SYNE1: variants seen among roughly 807,000 people sequenced by gnomAD.
The protein encoded by SYNE1 is spectrin repeat containing nuclear envelope protein 1.
In SYNE1, 616 loss-of-function variants were observed where a neutral mutation model predicts 1,111.0. The observed-to-expected ratio is 0.55, with a 90% CI of 0.52 to 0.59. The LOEUF (loss-of-function observed/expected upper bound fraction) is 0.59, where lower values mean the gene tolerates loss of function less well. Ranked by LOEUF, SYNE1 falls within the 20% of genes least tolerant of loss-of-function variation. The pLI is 0.00. For synonymous variants in SYNE1, 3,855 were observed against 3,825.8 expected (o/e 1.01, Z -0.28); for missense variants, 10,006 against 10,417.0 (o/e 0.96, Z 1.72).
At chr6:152,589,924 A>G (rs1398801547) in intron 3 of SYNE1, among the ~76,000 whole-genome samples, 1 of 136,076 alleles carries the variant, frequency 7.3e-6, no homozygotes, top group Admixed American at 8.1e-5. Flanking sequence ...TTGTCCCTAA[A>G]CATTTCTTTT....
intron 43 of SYNE1, 26 bp downstream of exon 43, chr6:152,409,533 C>A: frequency 6.2e-7 from 1 of 1,611,870 alleles, no homozygotes; most frequent in Non-Finnish European, 8.5e-7. Context: ...AGCAGAATAC[C>A]AACATAAACA....
chr6:152,230,405 C>A (rs2082518431), intron 115 of SYNE1, 142 bp downstream of exon 115: 1 of 895,674 alleles, frequency 1.1e-6, no homozygotes, highest in Non-Finnish European at 1.7e-6. Flanking sequence ...TATAAACTCA[C>A]AAAATCAGCA....
At chr6:152,596,098 TAA>T (rs71017542) in intron 3 of SYNE1, among the ~76,000 whole-genome samples, 504 of 18,496 alleles carry the variant, frequency 0.027, 2 homozygotes, top group African/African-American at 0.08. Flanking sequence ...AAGGGCAATC[TAA>T]AAAAAAAAAA....
chr6:152,471,452 G>C (rs1361366004), intron 16 of SYNE1, 145 bp downstream of exon 16: 2 of 753,658 alleles, frequency 2.7e-6, no homozygotes, highest in African/African-American at 3.5e-5. Context: ...ATTCTGAAAA[G>C]CTCATAAACT....
rs374632184 is a variant in SYNE1, at chr6:152,345,050, G to A, written c.12079-823C>T. 1.7e-4 allele frequency among the ~76,000 whole-genome samples: 26 copies of A among 152,092 alleles called. No individual in the cohort carries two copies. In the South Asian group the frequency reaches 2.3e-3, roughly 13 times the overall value. The stretch of plus-strand genomic sequence containing the variant: ...GTCATCTTTTAAATTCATCACTTTC[G>A]TCTGACATTGGGTTTATCCCTTATT... On this transcript the variant is annotated intron_variant, in intron 73 of 145. Coordinates refer to ENST00000367255, the MANE Select transcript of SYNE1 (RefSeq NM_182961.4).
chr6:152,359,333 G>A lies in SYNE1; in HGVS notation c.10425C>T (p.Ala3475=). The A allele has an allele frequency of 6.2e-7, 1 of 1,614,076 alleles. No homozygotes were observed. The highest frequency in any genetic ancestry group is 8.5e-7 in the Non-Finnish European group (1 of 1,179,994). The change falls in exon 65 of 146, where the codon GCC becomes GCT. Residue 3475 remains alanine (A), a synonymous_variant. Coordinates refer to ENST00000367255, the MANE Select transcript of SYNE1 (RefSeq NM_182961.4). ...GCCGTACCTTGGCCCTCTCTTGGAT[G>A]GCTCTGTATCGTTCCTGTAGATCCT... ...ELQDLQERYR[A]IQERAKEAVT...
At chr6:152,181,240 C>G (rs1275090589) in intron 128 of SYNE1, among the ~76,000 whole-genome samples, 1 of 102,004 alleles carries the variant, frequency 9.8e-6, no homozygotes, top group African/African-American at 3.7e-5. Flanking sequence ...GGTGAAACCC[C>G]ATCTCTATTA....
Position 152,122,517 on chromosome 6 carries a change from G to C in SYNE1, c.26313C>G (p.Asp8771Glu). ...AGTTGTTGGAGAGGGCACAGCTGTA[G>C]TCTTCCTCTGACATTGGTACAAGGC... is the stretch of plus-strand genomic sequence containing the variant. ...LACLVPMSEE[D>E]YSCALSNNFA... Residue 8771 changes from aspartate (D) to glutamate (E), a missense_variant, in exon 146 of 146, where the codon GAC (aspartate) becomes GAG (glutamate). Coordinates refer to ENST00000367255, the MANE Select transcript of SYNE1 (RefSeq NM_182961.4). 1 of 1,614,106 alleles carries C rather than the reference G, an allele frequency of 6.2e-7. No homozygotes were observed.
chr6:152,257,652 C>T lies in SYNE1; in HGVS notation c.18973-887G>A, dbSNP rs541388701. Among the ~76,000 whole-genome samples the T allele has an allele frequency of 2.8e-4, 42 of 152,176 alleles. No individual in the cohort carries two copies. In the South Asian group the frequency reaches 4.4e-3, roughly 16 times the overall value. Reference sequence around the variant, plus strand: ...TAGAAACAGAAAGGATGAGAACAGACATTGCTGAAAATGGAATCACTGGCA... The same window carrying T: ...TAGAAACAGAAAGGATGAGAACAGATATTGCTGAAAATGGAATCACTGGCA... On this transcript the variant is annotated intron_variant, in intron 101 of 145. Coordinates refer to ENST00000367255, the MANE Select transcript of SYNE1 (RefSeq NM_182961.4).
chr6:152,571,351 A>T (rs1273561736), intron 3 of SYNE1, among the ~76,000 whole-genome samples: 1 of 152,204 alleles, frequency 6.6e-6, no homozygotes, highest in Admixed American at 6.5e-5. Context: ...TCTTCAGAAA[A>T]GGAAAATCAA....
intron 14 of SYNE1, among the ~76,000 whole-genome samples, chr6:152,475,059 GACAA>G (rs1263038899): frequency 2.0e-5 from 3 of 152,006 alleles, no homozygotes; most frequent in Non-Finnish European, 4.4e-5. Context: ...TACCAAATTG[GACAA>G]ACAAACAAAA....
rs746879340 is a variant in SYNE1, at chr6:152,310,752, C to T, written c.16832G>A (p.Arg5611Gln). The change falls in exon 88 of 146, where the codon CGG (arginine) becomes CAG (glutamine). Residue 5611 changes from arginine (R) to glutamine (Q), a missense_variant. Around this residue, in one of 7 missense-constraint regions of SYNE1, gnomAD observed 4,955 missense variants for 5,017.2 expected, o/e 0.99. Transcript: ENST00000367255. The stretch of plus-strand genomic sequence containing the variant: ...CATCTGTCGCAACTCCTCAGTCTCC[C>T]GTCCCAGTTCTGCCACTTGCTGAGA... ...KMSQQVAELG[R>Q]ETEELRQMIK... The T allele has an allele frequency of 5.6e-6, 9 of 1,613,870 alleles. No individual in the cohort carries two copies. The highest frequency in any genetic ancestry group is 2.2e-5 in the East Asian group (1 of 44,878).
In SYNE1 at chr6:152,122,512, C is replaced by G; in HGVS notation, c.26318G>C (p.Ser8773Thr). 6.2e-7 allele frequency: 1 copy of G among 1,614,168 alleles called. No individual in the cohort carries two copies. The highest frequency in any genetic ancestry group is 8.5e-7 in the Non-Finnish European group (1 of 1,180,028). The stretch of plus-strand genomic sequence containing the variant: ...GGCAAAGTTGTTGGAGAGGGCACAG[C>G]TGTAGTCTTCCTCTGACATTGGTAC... ...CLVPMSEEDY[S>T]CALSNNFARS... Residue 8773 changes from serine to threonine, a missense_variant, in exon 146 of 146, where the codon AGC (serine) becomes ACC (threonine). Ser to Thr is a moderately conservative substitution (Grantham distance 58). Coordinates refer to ENST00000367255, the MANE Select transcript of SYNE1 (RefSeq NM_182961.4).
At chr6:152,192,173 C>T (rs1347188928) in intron 127 of SYNE1, among the ~76,000 whole-genome samples, 1 of 152,180 alleles carries the variant, frequency 6.6e-6, no homozygotes, top group East Asian at 1.9e-4. Context: ...AACATATAGT[C>T]TATCCTTGAG....
intron 130 of SYNE1, among the ~76,000 whole-genome samples, chr6:152,174,545 T>C (rs1354174619): frequency 6.6e-6 from 1 of 152,176 alleles, no homozygotes; most frequent in African/African-American, 2.4e-5. Flanking sequence ...TGTAAGTACT[T>C]TACAAAGAAC....
Position 152,224,487 on chromosome 6 carries a change from T to A in SYNE1, c.21522+7A>T. Reference sequence around the variant, plus strand: ...AACGTTAAGGATGTGTTAAATTAATTCCTTACCTGAAGATTGTCCACCTGA... The same window carrying A: ...AACGTTAAGGATGTGTTAAATTAATACCTTACCTGAAGATTGTCCACCTGA... On this transcript the variant is annotated splice_region_variant and intron_variant, in intron 117 of 145. Coordinates refer to ENST00000367255, the MANE Select transcript of SYNE1 (RefSeq NM_182961.4). 1 of 1,613,598 alleles carries A rather than the reference T, an allele frequency of 6.2e-7. No homozygotes were observed. The highest frequency in any genetic ancestry group is 8.5e-7 in the Non-Finnish European group (1 of 1,179,570).
rs1020485019 is a variant in SYNE1 at position 152,465,172 on chromosome 6, T to C, written c.1932+86A>G. 4 of 1,440,342 alleles carry C rather than the reference T, an allele frequency of 2.8e-6. No homozygotes were observed. The Admixed American group carries it at 6.8e-5, about 24-fold the overall frequency. The allele number at this position is 1,440,342 out of a possible 1,614,324, so 89.2% of individuals were successfully genotyped here. On this transcript the variant is annotated intron_variant, in intron 18 of 145. Transcript: ENST00000367255. Reference sequence around the variant, plus strand: ...TTCTTGAGTGACACTTGTAAATATATGCGACCCCCTAGTGAGCTACGCTGT... The same window carrying C: ...TTCTTGAGTGACACTTGTAAATATACGCGACCCCCTAGTGAGCTACGCTGT...
At chr6:152,609,904 C>A (rs1261341835) in intron 3 of SYNE1, among the ~76,000 whole-genome samples, 1 of 152,192 alleles carries the variant, frequency 6.6e-6, no homozygotes, top group East Asian at 1.9e-4. Context: ...GCTGAGGGAC[C>A]TGACTGTTGG....
intron 76 of SYNE1, among the ~76,000 whole-genome samples, chr6:152,334,812 G>A (rs1393684589): frequency 6.6e-6 from 1 of 152,042 alleles, no homozygotes; most frequent in Non-Finnish European, 1.5e-5. Flanking sequence ...TAACTTTCTG[G>A]GAATGCAGCC....
Sources: gnomAD v4.1 joint callset for allele counts (sites outside exome capture counted in the v4.1 genomes callset) on GRCh38, gnomAD v4.1.1 for gene constraint, gnomAD v4.1.1 regional missense constraint, MANE v1.5 for transcripts, NCBI Gene and HGNC (gene_info 2026-07-23, HGNC 2026-07-21) for gene names.